KLHL36: variants seen among roughly 807,000 people sequenced by gnomAD.
The protein encoded by KLHL36 is kelch-like protein 36.
In KLHL36, 35 loss-of-function variants were observed where a neutral mutation model predicts 53.3. The ratio of observed to expected loss-of-function variants is 0.66; its 90% CI spans 0.50 to 0.87. The LOEUF is 0.87. Among genes scored for constraint, KLHL36 ranks in the 40% least tolerant of loss-of-function variants. The pLI is 0.00. For missense variants in KLHL36, 864 were observed against 897.6 expected (o/e 0.96, Z 0.48); for synonymous variants, 472 against 398.9 (o/e 1.18, Z -2.18).
At chr16:84,660,359 A>G (rs765859065) in intron 4 of KLHL36, among the ~76,000 whole-genome samples, 8 of 152,222 alleles carry the variant, frequency 5.3e-5, no homozygotes, top group Non-Finnish European at 1.2e-4. Context: ...ACTGTTGTGC[A>G]GAGCAGATGC....
Position 84,661,365 on chromosome 16 carries a change from C to A in KLHL36, c.1296-213C>A, listed in dbSNP as rs570277953. 1.3e-5 allele frequency among the ~76,000 whole-genome samples: 2 copies of A among 152,182 alleles called. No homozygotes were observed. The highest frequency in any genetic ancestry group is 4.8e-5 in the African/African-American group (2 of 41,446). On this transcript the variant is annotated intron_variant, in intron 4 of 4. Coordinates refer to ENST00000564996, the MANE Select transcript of KLHL36 (RefSeq NM_024731.4). The surrounding 1 kb of genome is among the most constrained non-coding windows in gnomAD (Gnocchi z 7.9). ...GAGTGAAGCTGGGTTCTGGCCCAGG[C>A]GGCCTGACTGCAAAGCTGTCCACTT...
chr16:84,662,022 C>T lies in KLHL36; in HGVS notation c.1740C>T (p.Asp580=), dbSNP rs1270683721. The T allele has an allele frequency of 3.8e-6, 6 of 1,589,312 alleles. No individual in the cohort carries two copies. Among genetic ancestry groups the T allele is most frequent in the Admixed American group, 1.8e-5 (1 of 54,804 alleles). The change falls in exon 5 of 5, where the codon GAC becomes GAT. Residue 580 remains aspartate (D), a synonymous_variant. Coordinates refer to ENST00000564996, the MANE Select transcript of KLHL36 (RefSeq NM_024731.4). The part of the protein sequence containing the change: ...READKWSRGV[D]LPKAIAGGSA... ...CCGACAAGTGGAGCAGGGGCGTCGA[C>T]CTGCCCAAGGCCATCGCTGGCGGGT... is the stretch of plus-strand genomic sequence containing the variant.
At chr16:84,660,250 A>G (rs1348322068) in intron 4 of KLHL36, among the ~76,000 whole-genome samples, 1 of 152,116 alleles carries the variant, frequency 6.6e-6, no homozygotes, top group Admixed American at 6.5e-5. Flanking sequence ...AGATGGGGGT[A>G]TATGTGCTAG....
chr16:84,658,705 G>C (rs1009710101), intron 3 of KLHL36: 2 of 152,424 alleles, frequency 1.3e-5, no homozygotes, highest in Admixed American at 1.3e-4. Flanking sequence ...TCTCCTTTCT[G>C]CTGGGAGCGC....
rs146103325 is a variant in KLHL36 at position 84,661,036 on chromosome 16, A to G, written c.1296-542A>G. On this transcript the variant is annotated intron_variant, in intron 4 of 4. Coordinates refer to ENST00000564996, the MANE Select transcript of KLHL36 (RefSeq NM_024731.4). The surrounding 1 kb of genome is among the most constrained non-coding windows in gnomAD (Gnocchi z 7.9). ...AGCAACATGAATCCACCATTACAGC[A>G]TCACGCAGAATCATTTCACTGCCCT... Among the ~76,000 whole-genome samples the G allele has an allele frequency of 3.7e-3, 566 of 152,260 alleles. 4 individuals carry two copies. Among genetic ancestry groups the G allele is most frequent in the African/African-American group, 0.013 (544 of 41,552 alleles).
At chr16:84,659,445 C>T in intron 3 of KLHL36, 1 of 303,126 alleles carries the variant, frequency 3.3e-6, no homozygotes, top group Admixed American at 4.6e-5. Flanking sequence ...CAATTCTGAC[C>T]CCTGTGACCA....
chr16:84,662,336 TG>T lies in KLHL36; in HGVS notation c.*206del. ...CATATCTTGCTTGAATAACTAACCC[TG>T]GGCCCAGGCAGTGAGCAACCCCTTG... On this transcript the variant is annotated 3_prime_UTR_variant, in exon 5 of 5. Coordinates refer to ENST00000564996, the MANE Select transcript of KLHL36 (RefSeq NM_024731.4). The T allele has an allele frequency of 1.9e-6, 1 of 536,330 alleles. No homozygotes were observed. The highest frequency in any genetic ancestry group is 3.2e-6 in the Non-Finnish European group (1 of 308,900). The allele number at this position is 536,330 out of a possible 1,614,324, so 33.2% of individuals were successfully genotyped here.
Position 84,663,755 on chromosome 16 carries a change from T to G in KLHL36, c.*1622T>G, listed in dbSNP as rs1567563905. 6.6e-6 allele frequency: 1 copy of G among 152,314 alleles called. No homozygotes were observed. Among genetic ancestry groups the G allele is most frequent in the Non-Finnish European group, 1.5e-5 (1 of 68,082 alleles). 9.4% of individuals were successfully genotyped at this position (152,314 alleles called of 1,614,324 possible). On this transcript the variant is annotated 3_prime_UTR_variant, in exon 5 of 5. Transcript: ENST00000564996. The stretch of plus-strand genomic sequence containing the variant: ...AACTTTAATTTCCATTTCTTCTGCT[T>G]CTTTGCTGCCCCTCCTTTCCCTTCC...
Position 84,666,559 on chromosome 16 carries a change from G to A in KLHL36, c.*4426G>A, listed in dbSNP as rs984856297. 3 of 152,090 alleles carry A rather than the reference G, an allele frequency of 2.0e-5. No homozygotes were observed. Among genetic ancestry groups the A allele is most frequent in the Non-Finnish European group, 2.9e-5 (2 of 68,026 alleles). The allele number at this position is 152,090 out of a possible 1,614,324, so 9.4% of individuals were successfully genotyped here. Reference sequence around the variant, plus strand: ...GGTCCACGTCTCACCTTTGCCATACGGGTCATTTCTTGATCAAATATATGA... The same window carrying A: ...GGTCCACGTCTCACCTTTGCCATACAGGTCATTTCTTGATCAAATATATGA... On this transcript the variant is annotated 3_prime_UTR_variant, in exon 5 of 5. Transcript: ENST00000564996.
chr16:84,652,038 G>A (rs1183830301), intron 2 of KLHL36, among the ~76,000 whole-genome samples: 1 of 152,182 alleles, frequency 6.6e-6, no homozygotes, highest in Non-Finnish European at 1.5e-5. Flanking sequence ...GTTCTCACGT[G>A]AGTTCCCCAA....
intron 2 of KLHL36, among the ~76,000 whole-genome samples, chr16:84,654,406 G>C (rs988333164): frequency 6.6e-6 from 1 of 152,064 alleles, no homozygotes; most frequent in Non-Finnish European, 1.5e-5. Flanking sequence ...CCAGCACATT[G>C]GGAGGCTGAG....
In KLHL36 at chr16:84,659,927, G is replaced by A. The variant is rs1301523285; in HGVS notation, c.1295+10G>A. Reference sequence around the variant, plus strand: ...TGGCCGGCTTGCCAAGGTGATCTGGGGCTTGGTGGAAGGTTCTCCAAATGG... The same window carrying A: ...TGGCCGGCTTGCCAAGGTGATCTGGAGCTTGGTGGAAGGTTCTCCAAATGG... On this transcript the variant is annotated intron_variant, in intron 4 of 4. Coordinates refer to ENST00000564996, the MANE Select transcript of KLHL36 (RefSeq NM_024731.4). The A allele has an allele frequency of 6.2e-7, 1 of 1,600,590 alleles. No individual in the cohort carries two copies. The highest frequency in any genetic ancestry group is 1.1e-5 in the South Asian group (1 of 90,506).
chr16:84,660,218 C>G (rs1907468210), intron 4 of KLHL36, among the ~76,000 whole-genome samples: 1 of 152,136 alleles, frequency 6.6e-6, no homozygotes, highest in African/African-American at 2.4e-5. Context: ...TCTCCCTGAG[C>G]TTGGGCAGGA....
chr16:84,649,573 C>A (rs1906704887), intron 1 of KLHL36, among the ~76,000 whole-genome samples: 1 of 152,150 alleles, frequency 6.6e-6, no homozygotes, highest in Non-Finnish European at 1.5e-5. Flanking sequence ...CCTCTCTGGG[C>A]TCTCCAGCAT....
chr16:84,652,651 G>C (rs1029263960), intron 2 of KLHL36, among the ~76,000 whole-genome samples: 23 of 152,172 alleles, frequency 1.5e-4, no homozygotes, highest in Non-Finnish European at 2.8e-4. Context: ...ACCCAGATGG[G>C]TAAAAAACAG....
In KLHL36 at chr16:84,657,806, C is replaced by T. The variant is rs1907311509; in HGVS notation, c.999C>T (p.Ala333=). The T allele has an allele frequency of 6.2e-7, 1 of 1,606,024 alleles. No individual in the cohort carries two copies. The highest frequency in any genetic ancestry group is 8.5e-7 in the Non-Finnish European group (1 of 1,174,892). Reference sequence around the variant, plus strand: ...GGGTCAAAGAGACGCCGCTGCCCGCCCGGCGGAGCCACCACTGTGTCGCGG... The same window carrying T: ...GGGTCAAAGAGACGCCGCTGCCCGCTCGGCGGAGCCACCACTGTGTCGCGG... ...EQWVKETPLP[A]RRSHHCVAVL... Residue 333 remains alanine (A), a synonymous_variant, in exon 3 of 5, where the codon GCC becomes GCT. Coordinates refer to ENST00000564996, the MANE Select transcript of KLHL36 (RefSeq NM_024731.4).
chr16:84,659,159 G>A (rs34499035), intron 3 of KLHL36: 21,511 of 152,022 alleles, frequency 0.14, 2,130 homozygotes, highest in Non-Finnish European at 0.21. Flanking sequence ...CTGCCACCAC[G>A]CCCGGCTAAT....
rs1472056412 is a variant in KLHL36, at chr16:84,657,858, G to A, written c.1051G>A (p.Gly351Ser). The change falls in exon 3 of 5, where the codon GGC (glycine) becomes AGC (serine). Residue 351 changes from glycine (G) to serine (S), a missense_variant. Coordinates refer to ENST00000564996, the MANE Select transcript of KLHL36 (RefSeq NM_024731.4). ...GCTGGGGGGCTTCATCTTCATCGCC[G>A]GCGGCAGCTTCTCACGGGACAACGG... ...AVLGGFIFIA[G>S]GSFSRDNGGD... 1.3e-6 allele frequency: 2 copies of A among 1,592,678 alleles called. No homozygotes were observed. The highest frequency in any genetic ancestry group is 2.2e-5 in the South Asian group (2 of 89,542).
In KLHL36 at chr16:84,660,702, A is replaced by G. The variant is rs185477389; in HGVS notation, c.1295+785A>G. ...AGTGGCGCGATCTCGGCTCACTGCA[A>G]TCTCTGCCTCCTGAACTCAAGCAGT... On this transcript the variant is annotated intron_variant, in intron 4 of 4. Coordinates refer to ENST00000564996, the MANE Select transcript of KLHL36 (RefSeq NM_024731.4). 1.1e-4 allele frequency among the ~76,000 whole-genome samples: 16 copies of G among 152,180 alleles called. No individual in the cohort carries two copies. In the South Asian group the frequency reaches 1.2e-3, roughly 12 times the overall value.
Sources: gnomAD v4.1 joint callset for allele counts (sites outside exome capture counted in the v4.1 genomes callset) on GRCh38, gnomAD v4.1.1 for gene constraint, Gnocchi (gnomAD v3.1) non-coding constraint, MANE v1.5 for transcripts, NCBI Gene and HGNC (gene_info 2026-07-23, HGNC 2026-07-21) for gene names.